The following KLF12 variants were observed in gnomAD, a reference collection of about 807,000 sequenced individuals.
KLF12 encodes Krueppel-like factor 12.
KLF12 carries 9 observed loss-of-function variants against 37.8 expected under a neutral mutation model. The observed-to-expected ratio is 0.24, with a 90% CI of 0.14 to 0.42. The LOEUF (loss-of-function observed/expected upper bound fraction) is 0.42. Among genes scored for constraint, KLF12 ranks in the 10% least tolerant of loss-of-function variants. KLF12 has a pLI of 1.00. For missense variants in KLF12, 411 were observed against 516.0 expected, an observed-to-expected ratio of 0.80 and a Z score of 1.97; for synonymous variants, 208 against 202.1, an observed-to-expected ratio of 1.03 and a Z score of -0.25.
At chr13:74,155,370 T>A in the KLF12 span, among the ~76,000 whole-genome samples, 2 of 75,554 alleles carry the variant, frequency 2.6e-5, no homozygotes, top group African/African-American at 8.0e-5. Flanking sequence ...TTTGTTTTTG[T>A]TTTTTTTCTA....
intron 2 of KLF12, among the ~76,000 whole-genome samples, chr13:73,952,334 G>C (rs1593775529): frequency 6.6e-6 from 1 of 152,208 alleles, no homozygotes; most frequent in East Asian, 1.9e-4. Flanking sequence ...AGAAGGCGAA[G>C]AGGAAGGAGG....
chr13:74,007,463 G>GAC (rs1892440019), intron 1 of KLF12, among the ~76,000 whole-genome samples: 1 of 151,506 alleles, frequency 6.6e-6, no homozygotes, highest in Non-Finnish European at 1.5e-5. Context: ...TTTTAGTAGA[G>GAC]ACAGGGTTTC....
chr13:74,007,744 T>C (rs922015561), intron 1 of KLF12, among the ~76,000 whole-genome samples: 3 of 152,046 alleles, frequency 2.0e-5, no homozygotes, highest in Non-Finnish European at 2.9e-5. Context: ...AATATTAGAA[T>C]TAACATGAAT....
intron 3 of KLF12, among the ~76,000 whole-genome samples, chr13:73,894,087 C>T (rs1299866115): frequency 6.6e-6 from 1 of 152,158 alleles, no homozygotes; most frequent in African/African-American, 2.4e-5. Context: ...CTGGATGCCC[C>T]ACTCCTTTAG....
At chr13:74,304,771 T>C in the KLF12 span, among the ~76,000 whole-genome samples, 1 of 151,914 alleles carries the variant, frequency 6.6e-6, no homozygotes, top group African/African-American at 2.4e-5. Flanking sequence ...CAGCTGAGGG[T>C]AGAGAAAAGG....
Position 73,827,815 on chromosome 13 carries a change from A to G in KLF12, c.671-14528T>C, listed in dbSNP as rs893219222. ...TGACCTAAAGTGATCCGCCTGCCTC[A>G]GCATCCCAAAGTGCTGGGATTACAA... is the stretch of plus-strand genomic sequence containing the variant. On this transcript the variant is annotated intron_variant, in intron 4 of 7. Coordinates refer to ENST00000377669, the MANE Select transcript of KLF12 (RefSeq NM_007249.5). 3.9e-5 allele frequency among the ~76,000 whole-genome samples: 6 copies of G among 152,126 alleles called. 1 individual carries two copies. Among genetic ancestry groups the G allele is most frequent in the African/African-American group, 1.4e-4 (6 of 41,418 alleles).
intron 1 of KLF12, among the ~76,000 whole-genome samples, chr13:74,050,039 AG>A (rs2138589495): frequency 6.6e-6 from 1 of 152,284 alleles, no homozygotes; most frequent in South Asian, 2.1e-4. Flanking sequence ...ACAGAATGAT[AG>A]GGCCCACTGA....
rs563401758 is a variant in KLF12, at chr13:73,879,288, A to T, written c.124-32915T>A. ...TTCACAGACTGGCAAAATCCTACTC[A>T]TTCCAAATGGGCCAGCTCAAATGTC... On this transcript the variant is annotated intron_variant, in intron 3 of 7. Transcript: ENST00000377669. 5.3e-4 allele frequency among the ~76,000 whole-genome samples: 80 copies of T among 152,282 alleles called. No homozygotes were observed. In the South Asian group the frequency reaches 0.017, roughly 32 times the overall value.
intron 3 of KLF12, among the ~76,000 whole-genome samples, chr13:73,921,293 A>T (rs1889106374): frequency 6.6e-6 from 1 of 152,150 alleles, no homozygotes; most frequent in Non-Finnish European, 1.5e-5. Flanking sequence ...TTACTGTCAG[A>T]TTCTTTCATG....
At chr13:73,994,475 C>G (rs933876473) in intron 2 of KLF12, among the ~76,000 whole-genome samples, 1 of 23,800 alleles carries the variant, frequency 4.2e-5, no homozygotes, top group Admixed American at 3.5e-4. Context: ...GCCCCCCCCA[C>G]CACCACACTT....
At chr13:73,927,637 C>T (rs1019921260) in intron 3 of KLF12, among the ~76,000 whole-genome samples, 3 of 152,026 alleles carry the variant, frequency 2.0e-5, no homozygotes, top group African/African-American at 4.8e-5. Context: ...AGTGCAGTGG[C>T]GCGATCTCGG....
the KLF12 span, among the ~76,000 whole-genome samples, chr13:74,295,514 T>C: frequency 6.6e-6 from 1 of 152,212 alleles, no homozygotes; most frequent in Non-Finnish European, 1.5e-5. Context: ...TATGCCTCTT[T>C]CAAAATATAC....
At chr13:73,831,585 TA>T (rs1884161274) in intron 4 of KLF12, among the ~76,000 whole-genome samples, 1 of 152,190 alleles carries the variant, frequency 6.6e-6, no homozygotes, top group South Asian at 2.1e-4. Context: ...CTCCAAGGAC[TA>T]AAGCGCCGTG....
intron 3 of KLF12, among the ~76,000 whole-genome samples, chr13:73,855,568 T>C (rs1384490341): frequency 1.3e-5 from 2 of 152,210 alleles, no homozygotes; most frequent in East Asian, 3.8e-4. Context: ...TGGATACATG[T>C]GTCTTTTTGA....
chr13:74,094,251 A>G (rs950405543), intron 1 of KLF12, among the ~76,000 whole-genome samples: 3 of 152,204 alleles, frequency 2.0e-5, no homozygotes, highest in African/African-American at 7.2e-5. Flanking sequence ...TGGCCGAGAA[A>G]GCAAAGAACG....
At chr13:73,843,943 C>T (rs1165189033) in intron 4 of KLF12, among the ~76,000 whole-genome samples, 1 of 151,916 alleles carries the variant, frequency 6.6e-6, no homozygotes, top group Admixed American at 6.6e-5. Flanking sequence ...ATTCATTTTC[C>T]AGAAAATTAA....
In KLF12 at chr13:73,693,362, T is replaced by C. The variant is rs1435577438; in HGVS notation, c.*2128A>G. On this transcript the variant is annotated 3_prime_UTR_variant, in exon 8 of 8. Transcript: ENST00000377669. ...ACCCACTGGTTGATGAGTAGTAGACTGTGCAGCTAAAGATGCTATTTATCA... is the reference window on the plus strand; with the variant it reads ...ACCCACTGGTTGATGAGTAGTAGACCGTGCAGCTAAAGATGCTATTTATCA... 6.6e-6 allele frequency: 1 copy of C among 152,250 alleles called. No homozygotes were observed. The highest frequency in any genetic ancestry group is 1.5e-5 in the Non-Finnish European group (1 of 68,050). The allele number at this position is 152,250 out of a possible 1,614,324, so 9.4% of individuals were successfully genotyped here.
chr13:74,147,122 C>A, the KLF12 span, among the ~76,000 whole-genome samples: 1 of 152,170 alleles, frequency 6.6e-6, no homozygotes, highest in African/African-American at 2.4e-5. Flanking sequence ...GGCTAAGGAG[C>A]TTCAGGAAAA....
intron 3 of KLF12, among the ~76,000 whole-genome samples, chr13:73,849,189 T>C (rs1247454611): frequency 6.6e-6 from 1 of 152,048 alleles, no homozygotes; most frequent in Admixed American, 6.6e-5. Context: ...GAAATCATCA[T>C]TAGAAATTCA....
Sources: gnomAD v4.1 joint callset for allele counts (sites outside exome capture counted in the v4.1 genomes callset) on GRCh38, gnomAD v4.1.1 for gene constraint, MANE v1.5 for transcripts, NCBI Gene and HGNC (gene_info 2026-07-23, HGNC 2026-07-21) for gene names.